DAB1: variants seen among roughly 807,000 people sequenced by gnomAD.
DAB1 encodes disabled homolog 1.
Under a neutral mutation model 64.6 loss-of-function variants are expected in DAB1, and 15 were observed. That is an observed-to-expected ratio of 0.23 (90% CI 0.16 to 0.36). DAB1 has a LOEUF of 0.36. Among genes scored for constraint, DAB1 ranks in the 10% least tolerant of loss-of-function variants. The pLI, the probability that DAB1 is intolerant of heterozygous loss-of-function variation, is 1.00. For synonymous variants in DAB1, 235 were observed against 251.9 expected (o/e 0.93, Z 0.64); for missense variants, 596 against 706.7 (o/e 0.84, Z 1.78).
At chr1:57,347,415 C>T (rs1330387237) in intron 1 of DAB1, among the ~76,000 whole-genome samples, 5 of 152,166 alleles carry the variant, frequency 3.3e-5, no homozygotes, top group Non-Finnish European at 7.3e-5. Flanking sequence ...ATGATCTCTT[C>T]CCGTTCTAAT....
At chr1:57,491,231 T>A (rs1043414676) in intron 7 of DAB1, among the ~76,000 whole-genome samples, 2 of 152,088 alleles carry the variant, frequency 1.3e-5, no homozygotes, top group Non-Finnish European at 2.9e-5. Flanking sequence ...GATGGAGACC[T>A]TCCTGGCTAA....
intron 3 of DAB1, among the ~76,000 whole-genome samples, chr1:58,361,597 T>C (rs1644167765): frequency 6.6e-6 from 1 of 152,106 alleles, no homozygotes; most frequent in South Asian, 2.1e-4. Flanking sequence ...AGTTAGTGTA[T>C]AGGTTCGGGG....
chr1:57,611,662 TTGACTC>T (rs1361469369), intron 7 of DAB1, among the ~76,000 whole-genome samples: 4 of 152,072 alleles, frequency 2.6e-5, no homozygotes, highest in Admixed American at 2.6e-4. Context: ...CTGGTGTACT[TTGACTC>T]TGAGCACCTC....
intron 3 of DAB1, among the ~76,000 whole-genome samples, chr1:58,396,514 G>A (rs338924): frequency 0.082 from 12,506 of 151,910 alleles, 555 homozygotes; most frequent in Non-Finnish European, 0.091. Flanking sequence ...GGTGGGGGCG[G>A]GCAGTGCATA....
intron 4 of DAB1, among the ~76,000 whole-genome samples, chr1:58,199,932 T>C (rs1230996790): frequency 1.3e-5 from 2 of 152,138 alleles, no homozygotes; most frequent in Non-Finnish European, 2.9e-5. Context: ...GCCCTAGAAG[T>C]GTTTTTCTTT....
intron 5 of DAB1, among the ~76,000 whole-genome samples, chr1:57,967,855 T>C (rs1645705506): frequency 6.6e-6 from 1 of 152,206 alleles, no homozygotes; most frequent in African/African-American, 2.4e-5. Context: ...GGACTGATGA[T>C]AAAGATGTAA....
At chr1:57,354,633 C>T (rs1186293004) in intron 1 of DAB1, among the ~76,000 whole-genome samples, 2 of 152,084 alleles carry the variant, frequency 1.3e-5, no homozygotes, top group Non-Finnish European at 2.9e-5. Flanking sequence ...TATTGTACTA[C>T]TTTCTTCTTT....
chr1:57,274,995 C>A (rs1404265411), intron 2 of DAB1, among the ~76,000 whole-genome samples: 1 of 151,590 alleles, frequency 6.6e-6, no homozygotes, highest in Non-Finnish European at 1.5e-5. Flanking sequence ...AGGAAGAGAA[C>A]TAATATGTAA....
intron 8 of DAB1, among the ~76,000 whole-genome samples, chr1:57,065,611 G>A (rs1570625470): frequency 6.6e-6 from 1 of 152,204 alleles, no homozygotes. Context: ...CAGCCCATGA[G>A]TGCTAAGGTG....
At chr1:57,007,094 T>C (rs1646100796) in intron 14 of DAB1, among the ~76,000 whole-genome samples, 1 of 152,134 alleles carries the variant, frequency 6.6e-6, no homozygotes. Flanking sequence ...AGGTTTCAGC[T>C]TTCTTTTCCC....
chr1:58,253,747 A>T (rs1207924216), intron 4 of DAB1, among the ~76,000 whole-genome samples: 1 of 152,206 alleles, frequency 6.6e-6, no homozygotes, highest in Non-Finnish European at 1.5e-5. Flanking sequence ...GTTAAGATTC[A>T]ATCCTGAGCC....
intron 7 of DAB1, among the ~76,000 whole-genome samples, chr1:57,437,821 A>G (rs1350712087): frequency 6.6e-6 from 1 of 152,166 alleles, no homozygotes; most frequent in Non-Finnish European, 1.5e-5. Flanking sequence ...TGCCCCCAGT[A>G]TGTTTTTAAC....
chr1:58,300,148 G>A (rs556474420), intron 4 of DAB1, among the ~76,000 whole-genome samples: 1 of 152,306 alleles, frequency 6.6e-6, no homozygotes, highest in African/African-American at 2.4e-5. Context: ...GGTGGGCTCT[G>A]CTTAGAAGAA....
At chr1:58,120,418 T>G (rs373799939) in intron 5 of DAB1, among the ~76,000 whole-genome samples, 30 of 152,272 alleles carry the variant, frequency 2.0e-4, no homozygotes, top group African/African-American at 5.3e-4. Context: ...AAGCCTGGCC[T>G]GGATTCTATT....
At chr1:57,500,424 T>C (rs1409268899) in intron 7 of DAB1, among the ~76,000 whole-genome samples, 1 of 152,204 alleles carries the variant, frequency 6.6e-6, no homozygotes, top group Non-Finnish European at 1.5e-5. Context: ...TTCAAAGAAA[T>C]TCATCCCAAG....
intron 5 of DAB1, among the ~76,000 whole-genome samples, chr1:58,120,166 T>C (rs180822561): frequency 8.5e-5 from 13 of 152,218 alleles, no homozygotes; most frequent in Non-Finnish European, 1.8e-4. Context: ...TTGGGGTAAA[T>C]AACTTAGACT....
At chr1:58,454,953 G>A (rs943637447) in intron 3 of DAB1, among the ~76,000 whole-genome samples, 1 of 152,216 alleles carries the variant, frequency 6.6e-6, no homozygotes, top group Admixed American at 6.5e-5. Context: ...AGGTCACTCA[G>A]TGGTGACGTG....
intron 4 of DAB1, among the ~76,000 whole-genome samples, chr1:58,215,598 G>T (rs146787102): frequency 6.6e-6 from 1 of 152,276 alleles, no homozygotes; most frequent in Non-Finnish European, 1.5e-5. Context: ...GTGAGTGCAT[G>T]AATAAAGGTT....
chr1:57,252,148 T>C (rs117998428), intron 2 of DAB1, among the ~76,000 whole-genome samples: 3 of 152,360 alleles, frequency 2.0e-5, no homozygotes, highest in East Asian at 1.9e-4. Context: ...TTATGTCCAA[T>C]GTAAAGATAC....
Sources: allele counts gnomAD v4.1 joint callset (sites outside exome capture counted in the v4.1 genomes callset), GRCh38; gene constraint gnomAD v4.1.1; transcripts MANE v1.5; gene names NCBI Gene and HGNC (gene_info 2026-07-23, HGNC 2026-07-21).